The following KRABD3 variants were observed in gnomAD, a reference collection of about 807,000 sequenced individuals.
The protein encoded by KRABD3 is KRAB domain containing 3.
At chr7:149,715,285 C>T in the KRABD3 span, 2 of 1,220,830 alleles carry the variant, frequency 1.6e-6, no homozygotes, top group Middle Eastern at 3.2e-4. Flanking sequence ...TGGGGAAACC[C>T]CCTTGGCGTG....
chr7:149,721,954 TA>T, the KRABD3 span: 1 of 373,882 alleles, frequency 2.7e-6, no homozygotes, highest in African/African-American at 2.1e-5. Flanking sequence ...ATTTTATTTT[TA>T]AAACTTCTCA....
the KRABD3 span, chr7:149,719,919 A>G: frequency 7.0e-7 from 1 of 1,420,184 alleles, no homozygotes; most frequent in African/African-American, 1.5e-5. The surrounding 1 kb of genome is among the most constrained non-coding windows in gnomAD (Gnocchi z 5.6). Context: ...GAATGTGCAC[A>G]GACCTGCAGG....
At chr7:149,728,003 T>TA in the KRABD3 span, among the ~76,000 whole-genome samples, 1 of 152,384 alleles carries the variant, frequency 6.6e-6, no homozygotes, top group East Asian at 1.9e-4. Flanking sequence ...CTCCTCACTC[T>TA]AGAGTTTCAG....
the KRABD3 span, chr7:149,729,256 C>G: frequency 3.1e-6 from 5 of 1,604,162 alleles, no homozygotes; most frequent in Non-Finnish European, 4.3e-6. Flanking sequence ...CACCCGGAGC[C>G]TCCATCTGGT....
chr7:149,731,649 AG>A, the KRABD3 span: 1 of 1,576,044 alleles, frequency 6.3e-7, no homozygotes, highest in Admixed American at 1.7e-5. Flanking sequence ...CCCTGCCCCA[AG>A]GTCTCTGTGC....
the KRABD3 span, chr7:149,720,103 C>A: frequency 6.4e-7 from 1 of 1,552,908 alleles, no homozygotes; most frequent in Non-Finnish European, 8.7e-7. Flanking sequence ...GGGGCAGGAG[C>A]CTGCTGGTTG....
At chr7:149,725,317 G>T in the KRABD3 span, 1 of 1,582,380 alleles carries the variant, frequency 6.3e-7, no homozygotes, top group Non-Finnish European at 8.6e-7. Flanking sequence ...TGTTCCAGCT[G>T]CCAGTGCCTC....
chr7:149,719,402 T>C, the KRABD3 span: 2 of 822,678 alleles, frequency 2.4e-6, no homozygotes, highest in African/African-American at 1.8e-5. The surrounding 1 kb of genome is among the most constrained non-coding windows in gnomAD (Gnocchi z 5.6). Flanking sequence ...GCACTGTCTC[T>C]TGAGGGGATT....
the KRABD3 span, chr7:149,730,752 G>A: frequency 1.5e-5 from 11 of 746,800 alleles, no homozygotes; most frequent in African/African-American, 7.1e-5. Context: ...GCTGCTGGGG[G>A]TGCTGGTGAG....
the KRABD3 span, chr7:149,726,043 G>A: frequency 6.2e-7 from 1 of 1,612,144 alleles, no homozygotes; most frequent in Non-Finnish European, 8.5e-7. Context: ...GGGAACCAGG[G>A]GCAGCATCCT....
chr7:149,719,789 C>T, the KRABD3 span: 47 of 1,288,262 alleles, frequency 3.6e-5, no homozygotes, highest in African/African-American at 2.0e-4. The surrounding 1 kb of genome is among the most constrained non-coding windows in gnomAD (Gnocchi z 5.6). Flanking sequence ...ACACGGGGAT[C>T]GTTCACGCTG....
At chr7:149,719,814 C>G in the KRABD3 span, 2 of 1,239,686 alleles carry the variant, frequency 1.6e-6, no homozygotes, top group Non-Finnish European at 2.2e-6. The surrounding 1 kb of genome is among the most constrained non-coding windows in gnomAD (Gnocchi z 5.6). Flanking sequence ...TATTCTATGT[C>G]CCGGGACCGG....
the KRABD3 span, among the ~76,000 whole-genome samples, chr7:149,727,915 T>G: frequency 2.2e-4 from 33 of 152,312 alleles, no homozygotes; most frequent in East Asian, 6.4e-3. Context: ...CCTCCCGCCC[T>G]GTGCCTGGGC....
chr7:149,733,889 G>C, the KRABD3 span: 7 of 1,591,394 alleles, frequency 4.4e-6, no homozygotes. Context: ...TCCTCCTGCA[G>C]CCAGTGCAGA....
At chr7:149,733,247 C>A in the KRABD3 span, 1 of 1,611,326 alleles carries the variant, frequency 6.2e-7, no homozygotes, top group Non-Finnish European at 8.5e-7. Flanking sequence ...CCCGCCTGAG[C>A]TGCCCAGTGA....
chr7:149,726,825 T>C, the KRABD3 span, among the ~76,000 whole-genome samples: 2 of 152,082 alleles, frequency 1.3e-5, no homozygotes, highest in Non-Finnish European at 1.5e-5. Flanking sequence ...AGGGGATCAC[T>C]TGAGCCCCAG....
At chr7:149,731,441 C>T in the KRABD3 span, among the ~76,000 whole-genome samples, 7 of 152,166 alleles carry the variant, frequency 4.6e-5, no homozygotes, top group South Asian at 4.1e-4. Context: ...CCTCCCCAGC[C>T]GCCTCCTCCT....
At chr7:149,719,459 G>A in the KRABD3 span, 44 of 1,404,838 alleles carry the variant, frequency 3.1e-5, no homozygotes, top group Middle Eastern at 2.6e-4. The surrounding 1 kb of genome is among the most constrained non-coding windows in gnomAD (Gnocchi z 5.6). Flanking sequence ...GCGCCTGGAG[G>A]CCTAGGTGGG....
At chr7:149,721,117 C>A in the KRABD3 span, 9 of 1,311,996 alleles carry the variant, frequency 6.9e-6, no homozygotes, top group Non-Finnish European at 9.3e-6. Context: ...ACCTGCTGTT[C>A]CTCGTGGCTA....
Sources: allele counts gnomAD v4.1 joint callset (sites outside exome capture counted in the v4.1 genomes callset), GRCh38; gene constraint gnomAD v4.1.1; non-coding constraint Gnocchi (gnomAD v3.1); transcripts MANE v1.5; gene names NCBI Gene and HGNC (gene_info 2026-07-23, HGNC 2026-07-21).